The following DENND2A variants were observed in gnomAD, a reference collection of about 807,000 sequenced individuals.
DENND2A encodes the protein DENN domain containing 2A.
DENND2A carries 53 observed loss-of-function variants against 105.3 expected under a neutral mutation model. That is an observed-to-expected ratio of 0.50 (90% CI 0.40 to 0.63). DENND2A has a LOEUF of 0.63. DENND2A is among the 30% of genes least tolerant of loss of function. The probability of loss-of-function intolerance (pLI) is 0.00; values close to 1 mark genes in which losing one functional copy is unlikely to be tolerated. For missense variants in DENND2A, 1,138 were observed against 1,279.6 expected, an observed-to-expected ratio of 0.89 and a Z score of 1.69; for synonymous variants, 522 against 508.4, an observed-to-expected ratio of 1.03 and a Z score of -0.36.
chr7:140,632,594 G>T (rs926907555), intron 1 of DENND2A, among the ~76,000 whole-genome samples: 1 of 152,152 alleles, frequency 6.6e-6, no homozygotes, highest in Non-Finnish European at 1.5e-5. Flanking sequence ...TTGAGAAGGA[G>T]TTTAGCTCTA....
intron 14 of DENND2A, among the ~76,000 whole-genome samples, chr7:140,537,541 A>G (rs1796493934): frequency 6.6e-6 from 1 of 152,236 alleles, no homozygotes; most frequent in Non-Finnish European, 1.5e-5. Context: ...TCCTGGGCTC[A>G]CGTGATCCTT....
At chr7:140,570,030 G>A (rs1022373798) in intron 6 of DENND2A, among the ~76,000 whole-genome samples, 2 of 152,176 alleles carry the variant, frequency 1.3e-5, no homozygotes, top group African/African-American at 4.8e-5. Context: ...GAGTAGCTGG[G>A]ATTACAGGTA....
intron 12 of DENND2A, among the ~76,000 whole-genome samples, chr7:140,550,740 G>A (rs371480968): frequency 1.0e-3 from 158 of 152,090 alleles, no homozygotes; most frequent in Middle Eastern, 6.8e-3. Flanking sequence ...GATTACAGGC[G>A]TGAGCCACCG....
intron 9 of DENND2A, among the ~76,000 whole-genome samples, chr7:140,560,991 G>A (rs1797591156): frequency 6.6e-6 from 1 of 151,932 alleles, no homozygotes; most frequent in Non-Finnish European, 1.5e-5. Flanking sequence ...CTAAAGTCGT[G>A]AGTTTATTTT....
At chr7:140,519,825 A>T (rs1795788431) in intron 18 of DENND2A, 107 bp from the exon 19 acceptor site, 1 of 971,274 alleles carries the variant, frequency 1.0e-6, no homozygotes, top group Admixed American at 1.9e-5. Context: ...TCTGAGACTA[A>T]GCTGCTCCTA....
intron 3 of DENND2A, among the ~76,000 whole-genome samples, chr7:140,597,509 C>G (rs1334860179): frequency 6.6e-6 from 1 of 152,040 alleles, no homozygotes; most frequent in Non-Finnish European, 1.5e-5. Flanking sequence ...AATGAAAAAC[C>G]CAAAGTCAAA....
In DENND2A at chr7:140,544,715, C is replaced by T; in HGVS notation, c.2230G>A (p.Glu744Lys). 1 of 1,611,722 alleles carries T rather than the reference C, an allele frequency of 6.2e-7. No homozygotes were observed. Residue 744 changes from glutamate (E) to lysine (K), a missense_variant, in exon 14 of 20, where the codon GAG (glutamate) becomes AAG (lysine). Around this residue, in one of 2 missense-constraint regions of DENND2A, gnomAD observed 627 missense variants for 779.8 expected, o/e 0.80. Transcript: ENST00000496613. ...ACGCTGAGGGAGGAGAAGAGAGACT[C>T]AAAGTCCACGTGCTCGAGCCGGGAG... ...LDSRLEHVDF[E>K]SLFSSLSVRH...
chr7:140,602,258 T>G lies in DENND2A; in HGVS notation c.140A>C (p.Lys47Thr). ...ARPRHKSLNI[K>T]DKISEWEGKK... ...CCCTTCCCATTCTGATATCTTGTCC[T>G]TTATGTTGAGGGACTTGTGCCGGGG... The change falls in exon 3 of 20, where the codon AAG becomes ACG. Residue 47 changes from lysine (K) to threonine (T), a missense_variant. Lys to Thr is a moderately conservative substitution (Grantham distance 78). Around this residue, in one of 2 missense-constraint regions of DENND2A, gnomAD observed 511 missense variants for 499.9 expected, o/e 1.02. Transcript: ENST00000496613. 1.2e-6 allele frequency: 2 copies of G among 1,613,562 alleles called. No individual in the cohort carries two copies. Among genetic ancestry groups the G allele is most frequent in the Middle Eastern group, 1.7e-4 (1 of 6,060 alleles).
chr7:140,544,464 A>T, intron 14 of DENND2A, 154 bp downstream of exon 14: 1 of 937,134 alleles, frequency 1.1e-6, no homozygotes, highest in Non-Finnish European at 1.7e-6. Context: ...CAAAGTGCTG[A>T]GATTACAGGT....
chr7:140,537,503 G>GTGCA (rs1796492132), intron 14 of DENND2A, among the ~76,000 whole-genome samples: 1 of 152,152 alleles, frequency 6.6e-6, no homozygotes, highest in Non-Finnish European at 1.5e-5. Flanking sequence ...GAGAGCAGTG[G>GTGCA]TGCAGTCATA....
At chr7:140,528,125 G>A (rs1406245578) in intron 14 of DENND2A, among the ~76,000 whole-genome samples, 1 of 152,080 alleles carries the variant, frequency 6.6e-6, no homozygotes, top group African/African-American at 2.4e-5. Context: ...ACAGGCGTGA[G>A]CCACCATGCC....
At chr7:140,638,480 G>A (rs1801038332) in intron 1 of DENND2A, among the ~76,000 whole-genome samples, 1 of 152,126 alleles carries the variant, frequency 6.6e-6, no homozygotes, top group Non-Finnish European at 1.5e-5. Context: ...CCTGGGTGTT[G>A]CAAAAAGCCT....
At chr7:140,560,096 T>C (rs1474706401) in intron 9 of DENND2A, among the ~76,000 whole-genome samples, 30 of 152,040 alleles carry the variant, frequency 2.0e-4, no homozygotes, top group Admixed American at 2.0e-3. Context: ...TTCAGTGAAT[T>C]AAAAAAACTG....
In DENND2A at chr7:140,523,406, T is replaced by C. The variant is rs748373537; in HGVS notation, c.2566A>G (p.Ile856Val). 4 of 1,614,020 alleles carry C rather than the reference T, an allele frequency of 2.5e-6. No individual in the cohort carries two copies. The highest frequency in any genetic ancestry group is 1.7e-5 in the Admixed American group (1 of 59,986). The change falls in exon 17 of 20, where the codon ATC (isoleucine) becomes GTC (valine). Residue 856 changes from isoleucine to valine, a missense_variant. Physicochemically the swap from Ile to Val is conservative, Grantham distance 29 (BLOSUM62 3). Transcript: ENST00000496613. This position sits in a 1 kb window ranked among gnomAD's most constrained non-coding sequence, Gnocchi z 4.5. The part of the protein sequence containing the change: ...FLRQMDDEDS[I>V]LPRKLQVALE... ...GCCACCTGAAGCTTCCGGGGCAGGA[T>C]GGAGTCCTCATCGTCCATCTGGAAA... is the stretch of plus-strand genomic sequence containing the variant.
intron 19 of DENND2A, among the ~76,000 whole-genome samples, chr7:140,519,210 C>A (rs1040901595): frequency 1.3e-5 from 2 of 152,208 alleles, no homozygotes; most frequent in African/African-American, 4.8e-5. Context: ...TTCATTCTCC[C>A]TTTCCCTTTA....
At chr7:140,558,066 G>A (rs1797453860) in intron 11 of DENND2A, 77 bp downstream of exon 11, 2 of 1,246,514 alleles carry the variant, frequency 1.6e-6, no homozygotes, top group Admixed American at 1.9e-5. Flanking sequence ...CACGGGACTG[G>A]GAAGCCAGAC....
At chr7:140,598,220 CAT>C (rs1203738378) in intron 3 of DENND2A, among the ~76,000 whole-genome samples, 2 of 152,146 alleles carry the variant, frequency 1.3e-5, no homozygotes, top group African/African-American at 2.4e-5. Context: ...GCAGAAGAAT[CAT>C]ATGATCATCA....
chr7:140,583,736 T>C (rs1426426375), intron 5 of DENND2A, among the ~76,000 whole-genome samples: 1 of 147,084 alleles, frequency 6.8e-6, no homozygotes, highest in African/African-American at 2.6e-5. Flanking sequence ...GAGACCATCC[T>C]GTGAATGGTG....
chr7:140,559,874 G>A lies in DENND2A; in HGVS notation c.1780-57C>T. 7.7e-7 allele frequency: 1 copy of A among 1,304,844 alleles called. No individual in the cohort carries two copies. The highest frequency in any genetic ancestry group is 1.1e-6 in the Non-Finnish European group (1 of 906,096). The allele number at this position is 1,304,844 out of a possible 1,614,324, so 80.8% of individuals were successfully genotyped here. Reference sequence around the variant, plus strand: ...AACAAATCTCAGCATGGGAAATTGAGGCGGATGATGGTAAGGATGGCCTCT... The same window carrying A: ...AACAAATCTCAGCATGGGAAATTGAAGCGGATGATGGTAAGGATGGCCTCT... On this transcript the variant is annotated intron_variant, in intron 9 of 19. Transcript: ENST00000496613. The surrounding 1 kb of genome is among the most constrained non-coding windows in gnomAD (Gnocchi z 4.1).
Sources: allele counts gnomAD v4.1 joint callset (sites outside exome capture counted in the v4.1 genomes callset), GRCh38; gene constraint gnomAD v4.1.1; regional missense constraint gnomAD v4.1.1; non-coding constraint Gnocchi (gnomAD v3.1); transcripts MANE v1.5; gene names NCBI Gene and HGNC (gene_info 2026-07-23, HGNC 2026-07-21).